The following NUMA1 variants were observed in gnomAD, a reference collection of about 807,000 sequenced individuals.
NUMA1 encodes SP-H antigen.
In NUMA1, 62 loss-of-function variants were observed where a neutral mutation model predicts 237.1. That is an observed-to-expected ratio of 0.26 (90% CI 0.21 to 0.32). NUMA1 has a LOEUF of 0.32. Ranked by LOEUF, NUMA1 falls within the 10% of genes least tolerant of loss-of-function variation. NUMA1 has a pLI of 1.00. For synonymous variants in NUMA1, 1,028 were observed against 1,066.1 expected (o/e 0.96, Z 0.70); for missense variants, 2,533 against 2,666.5 (o/e 0.95, Z 1.10).
chr11:72,038,293 A>C (rs1270280262), intron 2 of NUMA1, among the ~76,000 whole-genome samples: 1 of 152,200 alleles, frequency 6.6e-6, no homozygotes, highest in Non-Finnish European at 1.5e-5. Flanking sequence ...AGGTCCTCCC[A>C]GGAGAGCCTG....
At chr11:72,005,411 G>C (rs766778126) in intron 22 of NUMA1, 42 bp from the exon 23 acceptor site, 1 of 1,589,338 alleles carries the variant, frequency 6.3e-7, no homozygotes. Context: ...GCCTGGAGTC[G>C]GCAGGTCACC....
In NUMA1 at chr11:72,009,335, G is replaced by A. The variant is rs199899150; in HGVS notation, c.4772C>T (p.Ala1591Val). The change falls in exon 18 of 27, where the codon GCC (alanine) becomes GTC (valine). Residue 1591 changes from alanine (A) to valine (V), a missense_variant. Physicochemically the swap from Ala to Val is moderately conservative, Grantham distance 64. Transcript: ENST00000393695. ...ESQQEAQRLQ[A>V]QLNELQAQLS... is the part of the protein sequence containing the mutation. ...CTGGGCTTGCAGTTCATTCAGCTGG[G>A]CCTGGAGGCGCTGGGCCTCCTGCTG... 9.3e-6 allele frequency: 15 copies of A among 1,613,074 alleles called. No homozygotes were observed. The South Asian group carries it at 1.4e-4, about 15-fold the overall frequency.
At chr11:72,006,572 A>G (rs1955728174) in intron 21 of NUMA1, among the ~76,000 whole-genome samples, 1 of 152,220 alleles carries the variant, frequency 6.6e-6, no homozygotes, top group South Asian at 2.1e-4. Context: ...TAAAGTGACT[A>G]GCCCCAAATC....
At position 72,080,451 on chromosome 11, in the gene NUMA1, C is replaced by T. The variant is rs1944078015; in HGVS notation, c.-103+7G>A. On this transcript the variant is annotated splice_region_variant and intron_variant, in intron 1 of 26. Transcript: ENST00000393695. The stretch of plus-strand genomic sequence containing the variant: ...CCGCACGCCAAACGCGGGCCCGCGC[C>T]GGTTACCTGGCTGCGCGCTCCCGCT... The T allele has an allele frequency of 6.6e-6, 1 of 152,222 alleles. No homozygotes were observed. Among genetic ancestry groups the T allele is most frequent in the South Asian group, 2.1e-4 (1 of 4,836 alleles). The allele number at this position is 152,222 out of a possible 1,614,324, so 9.4% of individuals were successfully genotyped here. A position where few individuals can be genotyped will look rare whatever the true frequency, so the allele number is the denominator to read the frequency against.
chr11:72,029,065 C>T, intron 4 of NUMA1, 140 bp downstream of exon 4: 1 of 585,210 alleles, frequency 1.7e-6, no homozygotes, highest in Non-Finnish European at 3.0e-6. Context: ...TGCCTTTAGG[C>T]CCCACCCTGG....
intron 3 of NUMA1, 46 bp downstream of exon 3, chr11:72,035,856 G>A: frequency 6.3e-7 from 1 of 1,587,038 alleles, no homozygotes; most frequent in Non-Finnish European, 8.7e-7. Flanking sequence ...ACTCTCTCAA[G>A]CTTCCTGGAG....
chr11:72,006,533 G>A (rs889646550), intron 21 of NUMA1, among the ~76,000 whole-genome samples: 2 of 152,178 alleles, frequency 1.3e-5, no homozygotes, highest in Admixed American at 6.5e-5. Context: ...GTGTTTATCG[G>A]CCCATTTTGG....
At chr11:72,007,143 G>A (rs1955776822) in intron 21 of NUMA1, 46 bp downstream of exon 21, 6 of 1,595,856 alleles carry the variant, frequency 3.8e-6, no homozygotes, top group Non-Finnish European at 5.1e-6. Context: ...GCCCTTGAGA[G>A]GAAGTGGGAA....
chr11:72,076,057 G>C (rs1299564430), intron 1 of NUMA1, among the ~76,000 whole-genome samples: 1 of 152,220 alleles, frequency 6.6e-6, no homozygotes, highest in East Asian at 1.9e-4. Context: ...CACCTAGTGA[G>C]AAAGGAGGGA....
chr11:72,028,359 C>T (rs1194288407), intron 4 of NUMA1, among the ~76,000 whole-genome samples: 2 of 150,012 alleles, frequency 1.3e-5, no homozygotes, highest in Non-Finnish European at 2.9e-5. Flanking sequence ...GTCCCTGATA[C>T]CAGTTCCTAA....
At chr11:72,047,280 A>C (rs1287810760) in intron 2 of NUMA1, among the ~76,000 whole-genome samples, 2 of 152,098 alleles carry the variant, frequency 1.3e-5, no homozygotes, top group Non-Finnish European at 1.5e-5. Flanking sequence ...ATTCCTCAGG[A>C]GTTCAAGACC....
Position 72,013,435 on chromosome 11 carries a change from C to T in NUMA1, c.4068G>A (p.Leu1356=). The change falls in exon 15 of 27, where the codon CTG becomes CTA. Residue 1356 remains leucine (L), a synonymous_variant. Transcript: ENST00000393695. The surrounding 1 kb of genome is among the most constrained non-coding windows in gnomAD (Gnocchi z 6.8). ...LQLEHTSTQA[L]VSELLPAKHL... ...GCTTAGCTGGCAGCAGCTCACTCAC[C>T]AGGGCCTGTGTGCTGGTGTGCTCGA... The T allele has an allele frequency of 1.9e-6, 3 of 1,613,236 alleles. No individual in the cohort carries two copies. Among genetic ancestry groups the T allele is most frequent in the Non-Finnish European group, 2.5e-6 (3 of 1,180,004 alleles).
chr11:72,010,471 T>C lies in NUMA1; in HGVS notation c.4719+315A>G, dbSNP rs115175770. Among the ~76,000 whole-genome samples, 489 of 152,364 alleles carry C rather than the reference T, an allele frequency of 3.2e-3. 2 individuals are homozygous for C. Among genetic ancestry groups the C allele is most frequent in the African/African-American group, 0.012 (479 of 41,588 alleles). On this transcript the variant is annotated intron_variant, in intron 17 of 26. Coordinates refer to ENST00000393695, the MANE Select transcript of NUMA1 (RefSeq NM_006185.4). ...CAATACAGCAGCCACTAACCACATG[T>C]AGCTACTGAACAGGGGCACAGTGTA... is the stretch of plus-strand genomic sequence containing the variant.
At chr11:72,016,305 TC>T in intron 14 of NUMA1, 45 bp from the exon 15 acceptor site, 1 of 1,583,222 alleles carries the variant, frequency 6.3e-7, no homozygotes, top group South Asian at 1.1e-5. Context: ...GACTCCTCAG[TC>T]ATCAAGACTC....
intron 16 of NUMA1, 85 bp from the exon 17 acceptor site, chr11:72,010,939 C>T: frequency 8.4e-7 from 1 of 1,192,190 alleles, no homozygotes; most frequent in Non-Finnish European, 1.2e-6. Flanking sequence ...TGGGGTTTCC[C>T]AGACCAGGAT....
Position 72,015,309 on chromosome 11 carries a change from G to C in NUMA1, c.2194C>G (p.Gln732Glu). The part of the protein sequence containing the change: ...KRRAADALEE[Q>E]QRCISELKAE... The stretch of plus-strand genomic sequence containing the variant: ...TTCAGCTCAGAGATACAACGCTGCT[G>C]CTCTTCCAGGGCATCTGCAGCCCTG... Residue 732 changes from glutamine (Q) to glutamate (E), a missense_variant, in exon 15 of 27, where the codon CAG becomes GAG. Coordinates refer to ENST00000393695, the MANE Select transcript of NUMA1 (RefSeq NM_006185.4). This position sits in a 1 kb window ranked among gnomAD's most constrained non-coding sequence, Gnocchi z 4.0. 6.2e-7 allele frequency: 1 copy of C among 1,613,544 alleles called. No homozygotes were observed. The highest frequency in any genetic ancestry group is 8.5e-7 in the Non-Finnish European group (1 of 1,180,046).
At chr11:72,025,767 C>T (rs937445868) in intron 4 of NUMA1, among the ~76,000 whole-genome samples, 1 of 152,212 alleles carries the variant, frequency 6.6e-6, no homozygotes, top group Non-Finnish European at 1.5e-5. Context: ...TGTGATTACA[C>T]AGGCTTCTTC....
At chr11:72,066,012 T>C (rs1457874811) in intron 2 of NUMA1, 2 of 152,144 alleles carry the variant, frequency 1.3e-5, no homozygotes, top group African/African-American at 2.4e-5. Flanking sequence ...CACTTAAGAA[T>C]AGACAAGACC....
In NUMA1 at chr11:72,021,277, G is replaced by C. The variant is rs749170035; in HGVS notation, c.387C>G (p.Val129=). ...CATGGTCCAGCACAAATTTAAGAAT[G>C]ACAGCCAACTCAGCCTGGGCCACAG... ...FEYKIQAELA[V]ILKFVLDHED... The change falls in exon 8 of 27, where the codon GTC becomes GTG. Residue 129 remains valine (V), a synonymous_variant. Transcript: ENST00000393695. The C allele has an allele frequency of 4.3e-6, 7 of 1,614,124 alleles. No individual in the cohort carries two copies. The highest frequency in any genetic ancestry group is 5.9e-6 in the Non-Finnish European group (7 of 1,179,984).
Sources: gnomAD v4.1 joint callset for allele counts (sites outside exome capture counted in the v4.1 genomes callset) on GRCh38, gnomAD v4.1.1 for gene constraint, Gnocchi (gnomAD v3.1) non-coding constraint, MANE v1.5 for transcripts, NCBI Gene and HGNC (gene_info 2026-07-23, HGNC 2026-07-21) for gene names.